DPP6: variants seen among roughly 807,000 people sequenced by gnomAD.
The protein encoded by DPP6 is A-type potassium channel modulatory protein DPP6.
A neutral mutation model predicts 122.6 loss-of-function variants in DPP6; 69 were observed. The observed-to-expected ratio is 0.56, with a 90% CI of 0.46 to 0.69. The LOEUF is 0.69. DPP6 is among the 30% of genes least tolerant of loss of function. The probability of loss-of-function intolerance (pLI) is 0.00; values close to 1 mark genes in which losing one functional copy is unlikely to be tolerated. For synonymous variants in DPP6, 418 were observed against 433.1 expected, an observed-to-expected ratio of 0.97 and a Z score of 0.43; for missense variants, 928 against 1,116.9, an observed-to-expected ratio of 0.83 and a Z score of 2.41.
At chr7:154,691,373 C>T (rs546178337) in intron 7 of DPP6, among the ~76,000 whole-genome samples, 35 of 152,238 alleles carry the variant, frequency 2.3e-4, no homozygotes, top group African/African-American at 8.4e-4. Context: ...CAGGACTGGG[C>T]AGAATTCATT....
intron 1 of DPP6, among the ~76,000 whole-genome samples, chr7:153,996,315 A>C (rs1402791679): frequency 6.6e-6 from 1 of 152,240 alleles, no homozygotes; most frequent in Admixed American, 6.5e-5. Context: ...ATTTCAAATT[A>C]TTATTTCTTG....
chr7:154,827,836 C>A (rs140249755), intron 16 of DPP6, among the ~76,000 whole-genome samples: 1 of 151,906 alleles, frequency 6.6e-6, no homozygotes, highest in Non-Finnish European at 1.5e-5. Flanking sequence ...AAGGTGTCTG[C>A]AAGGAGAGGT....
intron 8 of DPP6, among the ~76,000 whole-genome samples, chr7:154,754,497 T>G (rs1843561867): frequency 6.6e-6 from 1 of 152,208 alleles, no homozygotes; most frequent in Non-Finnish European, 1.5e-5. Flanking sequence ...ATGATCAGTT[T>G]TGGCAAAATA....
At chr7:154,278,173 T>A (rs1326137105) in intron 1 of DPP6, among the ~76,000 whole-genome samples, 1 of 152,140 alleles carries the variant, frequency 6.6e-6, no homozygotes, top group East Asian at 1.9e-4. Flanking sequence ...CACCAACAAC[T>A]TACAACTCCA....
chr7:154,605,492 T>C lies in DPP6; in HGVS notation c.628-32329T>C, dbSNP rs958487623. ...TTTGTTTAGAAAATTACCAATTACA[T>C]TTAAATGTTCAAAATTATTTAATAA... On this transcript the variant is annotated intron_variant, in intron 5 of 25. Transcript: ENST00000377770. Among the ~76,000 whole-genome samples the C allele has an allele frequency of 2.5e-5, 3 of 120,524 alleles. 1 individual carries two copies. The highest frequency in any genetic ancestry group is 5.6e-5 in the Non-Finnish European group (3 of 53,428). 79.1% of individuals were successfully genotyped at this position (120,524 alleles called of 152,430 possible).
At chr7:153,941,646 G>T (rs1801702832) in intron 1 of DPP6, among the ~76,000 whole-genome samples, 1 of 152,220 alleles carries the variant, frequency 6.6e-6, no homozygotes, top group Non-Finnish European at 1.5e-5. Context: ...GGCCTCTGGG[G>T]TCCATGCTGC....
chr7:154,373,753 A>C (rs1030224400), intron 1 of DPP6, among the ~76,000 whole-genome samples: 3 of 152,116 alleles, frequency 2.0e-5, no homozygotes, highest in Admixed American at 2.0e-4. Flanking sequence ...CCTTATCCCG[A>C]ACGGAAACTG....
rs541105536 is a variant in DPP6 at position 154,164,180 on chromosome 7, T to TCCCTG, written c.243+111138_243+111142dup. On this transcript the variant is annotated intron_variant, in intron 1 of 25. Coordinates refer to ENST00000377770, the MANE Select transcript of DPP6 (RefSeq NM_130797.4). ...TGTTCTGACTATGGTCTAAGAGTCTTCCCTGCCCTGCCCTGCCCTGCCCTG... is the reference window on the plus strand; with the variant it reads ...TGTTCTGACTATGGTCTAAGAGTCTTCCCTGCCCTGCCCTGCCCTGCCCTGCCCTG... Among the ~76,000 whole-genome samples the TCCCTG allele has an allele frequency of 6.0e-4, 89 of 148,530 alleles. 2 individuals are homozygous for TCCCTG. In the South Asian group the frequency reaches 0.014, roughly 24 times the overall value.
At chr7:154,595,648 T>C (rs566631879) in intron 5 of DPP6, among the ~76,000 whole-genome samples, 1 of 152,372 alleles carries the variant, frequency 6.6e-6, no homozygotes, top group South Asian at 2.1e-4. Context: ...AGAAAAGCCC[T>C]TGCCTTCTTG....
chr7:154,801,781 C>A lies in DPP6; in HGVS notation c.1407+319C>A, dbSNP rs563221185. Among the ~76,000 whole-genome samples the A allele has an allele frequency of 7.9e-5, 12 of 152,270 alleles. No homozygotes were observed. In the South Asian group the frequency reaches 2.5e-3, roughly 32 times the overall value. The stretch of plus-strand genomic sequence containing the variant: ...TGTGCCGGGGGCCCTTTCCTTCTCC[C>A]TCTGCTGAGGGTCTCCTTAACATAC... On this transcript the variant is annotated intron_variant, in intron 13 of 25. Coordinates refer to ENST00000377770, the MANE Select transcript of DPP6 (RefSeq NM_130797.4).
At chr7:154,883,796 GACTCA>G (rs1805736081) in intron 21 of DPP6, 1 of 124,328 alleles carries the variant, frequency 8.0e-6, no homozygotes, top group African/African-American at 3.1e-5. Context: ...TACATACACC[GACTCA>G]CGCACACATG....
At chr7:154,116,416 G>A (rs1030433016) in intron 1 of DPP6, among the ~76,000 whole-genome samples, 6 of 152,242 alleles carry the variant, frequency 3.9e-5, no homozygotes, top group Admixed American at 1.3e-4. Flanking sequence ...TTATGTTCTG[G>A]CCTTGATTAC....
chr7:154,080,509 C>G (rs968631510), intron 1 of DPP6, among the ~76,000 whole-genome samples: 1 of 152,212 alleles, frequency 6.6e-6, no homozygotes, highest in African/African-American at 2.4e-5. Flanking sequence ...GGCTATGACA[C>G]ATATACCATT....
intron 1 of DPP6, among the ~76,000 whole-genome samples, chr7:154,063,338 C>G (rs1802335044): frequency 7.9e-6 from 1 of 126,022 alleles, no homozygotes; most frequent in South Asian, 2.9e-4. Flanking sequence ...CTCCCTCTGG[C>G]TCTTAGGAAC....
intron 4 of DPP6, among the ~76,000 whole-genome samples, chr7:154,551,247 T>C (rs1280577975): frequency 6.6e-6 from 1 of 152,214 alleles, no homozygotes; most frequent in Non-Finnish European, 1.5e-5. Flanking sequence ...GTAACAAATC[T>C]ATCTTTTGTT....
rs1223849388 is a variant in DPP6 at position 154,052,750 on chromosome 7, G to T, written c.-71G>T. On this transcript the variant is annotated 5_prime_UTR_variant, in exon 1 of 26. Coordinates refer to ENST00000377770, the MANE Select transcript of DPP6 (RefSeq NM_130797.4). The surrounding 1 kb of genome is among the most constrained non-coding windows in gnomAD (Gnocchi z 4.8). ...TTTTTTTTTAATCTGGAGCGGGGTG[G>T]GGAGTGGGAACCGGAGAGAAAGCAA... The T allele has an allele frequency of 1.5e-6, 2 of 1,373,818 alleles. No homozygotes were observed. Among genetic ancestry groups the T allele is most frequent in the East Asian group, 3.6e-5 (1 of 28,160 alleles). The allele number at this position is 1,373,818 out of a possible 1,614,324, so 85.1% of individuals were successfully genotyped here. A position where few individuals can be genotyped will look rare whatever the true frequency, so the allele number is the denominator to read the frequency against.
intron 1 of DPP6, among the ~76,000 whole-genome samples, chr7:154,302,183 T>C (rs1467895852): frequency 6.6e-6 from 1 of 152,122 alleles, no homozygotes; most frequent in East Asian, 1.9e-4. Flanking sequence ...ACTCCTCACC[T>C]CCCGCTCCCA....
intron 1 of DPP6, among the ~76,000 whole-genome samples, chr7:154,354,796 T>G (rs549902491): frequency 1.3e-5 from 2 of 152,362 alleles, no homozygotes; most frequent in East Asian, 3.9e-4. Context: ...TGGTGGATGT[T>G]CATATTGCTT....
chr7:154,724,586 T>A (rs769973178), intron 7 of DPP6, among the ~76,000 whole-genome samples: 1 of 152,190 alleles, frequency 6.6e-6, no homozygotes, highest in Admixed American at 6.5e-5. Context: ...CTCACACCTC[T>A]GTCAGGGGCT....
Sources: gnomAD v4.1 joint callset for allele counts (sites outside exome capture counted in the v4.1 genomes callset) on GRCh38, gnomAD v4.1.1 for gene constraint, Gnocchi (gnomAD v3.1) non-coding constraint, MANE v1.5 for transcripts, NCBI Gene and HGNC (gene_info 2026-07-23, HGNC 2026-07-21) for gene names.